ADARB2: variants seen among roughly 807,000 people sequenced by gnomAD.
ADARB2 encodes the protein inactive double-stranded RNA-specific editase B2.
In ADARB2, 25 loss-of-function variants were observed where a neutral mutation model predicts 62.2. The ratio of observed to expected loss-of-function variants is 0.40; its 90% CI spans 0.29 to 0.56. ADARB2 has a LOEUF of 0.56. ADARB2 is among the 20% of genes least tolerant of loss of function. The pLI is 0.43. For synonymous variants in ADARB2, 572 were observed against 500.8 expected (o/e 1.14, Z -1.90); for missense variants, 1,071 against 1,077.4 (o/e 0.99, Z 0.08).
intron 1 of ADARB2, among the ~76,000 whole-genome samples, chr10:1,408,523 A>T (rs1832726745): frequency 6.6e-6 from 1 of 152,220 alleles, no homozygotes; most frequent in African/African-American, 2.4e-5. Flanking sequence ...TCCAAAATCA[A>T]ATTAGTTTTA....
At chr10:1,401,134 C>T (rs890082401) in intron 1 of ADARB2, among the ~76,000 whole-genome samples, 1 of 152,134 alleles carries the variant, frequency 6.6e-6, no homozygotes, top group African/African-American at 2.4e-5. Context: ...CCGGCAGCCA[C>T]AAACACCGTC....
intron 1 of ADARB2, among the ~76,000 whole-genome samples, chr10:1,556,414 C>T (rs192709918): frequency 5.7e-4 from 86 of 152,126 alleles, no homozygotes; most frequent in Middle Eastern, 6.8e-3. Context: ...TACCCTGTGC[C>T]GATTCCAGAG....
At chr10:1,279,156 C>T (rs1831348056) in intron 3 of ADARB2, among the ~76,000 whole-genome samples, 2 of 152,206 alleles carry the variant, frequency 1.3e-5, no homozygotes, top group South Asian at 4.1e-4. Flanking sequence ...GTTCTGAAAG[C>T]TGAAGCCCAA....
chr10:1,662,234 A>T (rs1355165082), intron 1 of ADARB2, among the ~76,000 whole-genome samples: 2 of 152,136 alleles, frequency 1.3e-5, no homozygotes, highest in Non-Finnish European at 2.9e-5. Flanking sequence ...AGAGGTTTGG[A>T]GGTGAGGGGA....
chr10:1,562,559 C>T (rs780238008), intron 1 of ADARB2, among the ~76,000 whole-genome samples: 2 of 152,220 alleles, frequency 1.3e-5, no homozygotes, highest in African/African-American at 2.4e-5. Flanking sequence ...GATCTGTAAT[C>T]GCTCATTTAT....
At chr10:1,499,386 A>C (rs62652294) in intron 1 of ADARB2, among the ~76,000 whole-genome samples, 25,034 of 151,556 alleles carry the variant, frequency 0.17, 2,354 homozygotes, top group Middle Eastern at 0.23. Flanking sequence ...TTACTTACCC[A>C]TGTATCAGTC....
At chr10:1,419,115 C>T (rs1157976273) in intron 1 of ADARB2, among the ~76,000 whole-genome samples, 2 of 151,942 alleles carry the variant, frequency 1.3e-5, no homozygotes, top group African/African-American at 4.8e-5. Flanking sequence ...CTTTTTGAGA[C>T]AGAGTTTTGT....
intron 1 of ADARB2, among the ~76,000 whole-genome samples, chr10:1,502,839 G>C (rs1167435764): frequency 6.6e-6 from 1 of 152,230 alleles, no homozygotes; most frequent in East Asian, 1.9e-4. Context: ...AAGCATGCAA[G>C]AAAGAATTAT....
At chr10:1,507,156 G>A (rs1162146785) in intron 1 of ADARB2, among the ~76,000 whole-genome samples, 2 of 152,214 alleles carry the variant, frequency 1.3e-5, no homozygotes, top group South Asian at 2.1e-4. Context: ...AGTGGCTGTC[G>A]AGTGACTTCC....
rs983309490 is a variant in ADARB2, at chr10:1,183,124, C to T, written c.*69G>A. On this transcript the variant is annotated 3_prime_UTR_variant, in exon 10 of 10. Coordinates refer to ENST00000381312, the MANE Select transcript of ADARB2 (RefSeq NM_018702.4). Reference sequence around the variant, plus strand: ...ATGCAGGGAACCGGCCGACCCGCCACGTCGCCCCCCAGACACGGTCCCATC... The same window carrying T: ...ATGCAGGGAACCGGCCGACCCGCCATGTCGCCCCCCAGACACGGTCCCATC... 20 of 1,542,190 alleles carry T rather than the reference C, an allele frequency of 1.3e-5. No individual in the cohort carries two copies. Among genetic ancestry groups the T allele is most frequent in the Non-Finnish European group, 1.6e-5 (18 of 1,137,374 alleles).
intron 3 of ADARB2, among the ~76,000 whole-genome samples, chr10:1,295,082 C>T (rs565325686): frequency 6.6e-6 from 1 of 152,306 alleles, no homozygotes; most frequent in African/African-American, 2.4e-5. Context: ...ACGTGTGTTC[C>T]TCTCACTTCA....
chr10:1,220,150 A>G (rs1457579812), intron 6 of ADARB2, among the ~76,000 whole-genome samples: 1 of 133,636 alleles, frequency 7.5e-6, no homozygotes, highest in Non-Finnish European at 1.6e-5. Flanking sequence ...GGCAATGGTG[A>G]TGATGGTGAT....
In ADARB2 at chr10:1,737,376, C is replaced by A; in HGVS notation, c.-226G>T. Reference sequence around the variant, plus strand: ...GGGGGCCTCGGCTGGGCGCCTGGAGCGAGCTGCTCCCTGGTCAGGGAGGGC... The same window carrying A: ...GGGGGCCTCGGCTGGGCGCCTGGAGAGAGCTGCTCCCTGGTCAGGGAGGGC... On this transcript the variant is annotated 5_prime_UTR_variant, in exon 1 of 10. Coordinates refer to ENST00000381312, the MANE Select transcript of ADARB2 (RefSeq NM_018702.4). 5.7e-6 allele frequency: 3 copies of A among 525,174 alleles called. No individual in the cohort carries two copies. The highest frequency in any genetic ancestry group is 5.0e-5 in the South Asian group (2 of 40,284). 32.5% of individuals were successfully genotyped at this position (525,174 alleles called of 1,614,324 possible).
chr10:1,383,188 C>A (rs1295793238), intron 1 of ADARB2, among the ~76,000 whole-genome samples: 1 of 152,198 alleles, frequency 6.6e-6, no homozygotes, highest in African/African-American at 2.4e-5. Flanking sequence ...GAACCACGTG[C>A]AGCCATGAAG....
chr10:1,711,970 G>A (rs865957973), intron 1 of ADARB2, among the ~76,000 whole-genome samples: 10 of 152,180 alleles, frequency 6.6e-5, no homozygotes, highest in African/African-American at 2.2e-4. Context: ...TCTCTGGGTA[G>A]CTTATTCATT....
intron 3 of ADARB2, among the ~76,000 whole-genome samples, chr10:1,353,543 G>A (rs370372982): frequency 7.2e-5 from 11 of 152,156 alleles, no homozygotes; most frequent in African/African-American, 2.7e-4. Context: ...ACATCAGCAA[G>A]CCACCGCCCT....
intron 3 of ADARB2, among the ~76,000 whole-genome samples, chr10:1,302,545 G>T (rs111816982): frequency 6.6e-6 from 1 of 152,036 alleles, no homozygotes; most frequent in Admixed American, 6.5e-5. Flanking sequence ...GGAGGCCTGC[G>T]TGCCTCTGTA....
chr10:1,199,263 T>C (rs1349607209), intron 8 of ADARB2, among the ~76,000 whole-genome samples: 2 of 151,692 alleles, frequency 1.3e-5, no homozygotes, highest in Admixed American at 1.3e-4. Context: ...TCGCCTCCTG[T>C]CAGTGTGTCC....
At chr10:1,503,889 A>G (rs901100099) in intron 1 of ADARB2, among the ~76,000 whole-genome samples, 1 of 152,124 alleles carries the variant, frequency 6.6e-6, no homozygotes, top group African/African-American at 2.4e-5. Context: ...CCTCCCCAGA[A>G]GTCAAGCAGA....
Sources: allele counts gnomAD v4.1 joint callset (sites outside exome capture counted in the v4.1 genomes callset), GRCh38; gene constraint gnomAD v4.1.1; transcripts MANE v1.5; gene names NCBI Gene and HGNC (gene_info 2026-07-23, HGNC 2026-07-21).